The following FER variants were observed in gnomAD, a reference collection of about 807,000 sequenced individuals.
The protein encoded by FER is tyrosine-protein kinase Fer.
In FER, 63 loss-of-function variants were observed where a neutral mutation model predicts 111.0. That is an observed-to-expected ratio of 0.57 (90% CI 0.46 to 0.70). FER has a LOEUF of 0.70. FER is among the 30% of genes least tolerant of loss of function. The pLI, the probability that FER is intolerant of heterozygous loss-of-function variation, is 0.00. For synonymous variants in FER, 327 were observed against 313.9 expected (o/e 1.04, Z -0.44); for missense variants, 914 against 954.0 (o/e 0.96, Z 0.55).
chr5:109,162,533 G>A (rs1756102080), intron 17 of FER, among the ~76,000 whole-genome samples: 1 of 151,976 alleles, frequency 6.6e-6, no homozygotes, highest in Non-Finnish European at 1.5e-5. Flanking sequence ...GTCCACAAGG[G>A]TGCTGGTCTT....
rs573357631 is a variant in FER, at chr5:108,766,031, G to T, written c.-205-2062G>T. Among the ~76,000 whole-genome samples, 3 of 152,058 alleles carry T rather than the reference G, an allele frequency of 2.0e-5. No individual in the cohort carries two copies. The East Asian group carries it at 5.8e-4, about 30-fold the overall frequency. ...TGCAACCTCAAATTCCTGGGCTCAG[G>T]TGATCCTCCCACCTTAGCCTCTCAA... is the stretch of plus-strand genomic sequence containing the variant. On this transcript the variant is annotated intron_variant, in intron 1 of 19. Transcript: ENST00000281092.
Position 108,905,763 on chromosome 5 carries a change from T to C in FER, c.1236+7915T>C, listed in dbSNP as rs1035910799. Among the ~76,000 whole-genome samples, 11 of 152,310 alleles carry C rather than the reference T, an allele frequency of 7.2e-5. No individual in the cohort carries two copies. In the East Asian group the frequency reaches 1.7e-3, roughly 24 times the overall value. Reference sequence around the variant, plus strand: ...TGTTTAGCAGTACCTATATATATACTCAGTAAATGTTTATAGATGAAATGA... The same window carrying C: ...TGTTTAGCAGTACCTATATATATACCCAGTAAATGTTTATAGATGAAATGA... On this transcript the variant is annotated intron_variant, in intron 10 of 19. Transcript: ENST00000281092.
chr5:108,928,359 G>A (rs1754079941), intron 10 of FER, among the ~76,000 whole-genome samples: 1 of 152,120 alleles, frequency 6.6e-6, no homozygotes, highest in African/African-American at 2.4e-5. Flanking sequence ...TTTTACTGCT[G>A]CCAATTGGCA....
chr5:109,008,432 A>G (rs1765773970), intron 13 of FER, among the ~76,000 whole-genome samples: 1 of 152,096 alleles, frequency 6.6e-6, no homozygotes, highest in Non-Finnish European at 1.5e-5. Context: ...TCTTTTACTA[A>G]GAACCTGAAG....
At chr5:109,169,622 A>C (rs1398650437) in intron 17 of FER, among the ~76,000 whole-genome samples, 1 of 152,186 alleles carries the variant, frequency 6.6e-6, no homozygotes, top group Non-Finnish European at 1.5e-5. Flanking sequence ...TCCTATAAAT[A>C]CTGAAAACTG....
At position 108,867,716 on chromosome 5, in the gene FER, A is replaced by G. The variant is rs114908333; in HGVS notation, c.482-51A>G. On this transcript the variant is annotated intron_variant, in intron 5 of 19. Coordinates refer to ENST00000281092, the MANE Select transcript of FER (RefSeq NM_005246.4). ...TCAGTTTGTATGTAGTGAAGATACA[A>G]TTTTTTTTCTTATCTCTTTACTAAC... 4.1e-3 allele frequency: 6,302 copies of G among 1,530,704 alleles called. 41 individuals are homozygous for G. Among genetic ancestry groups the G allele is most frequent in the South Asian group, 0.018 (1,456 of 81,380 alleles). The allele number at this position is 1,530,704 out of a possible 1,614,324, so 94.8% of individuals were successfully genotyped here.
At chr5:109,124,773 G>A (rs986781160) in intron 17 of FER, among the ~76,000 whole-genome samples, 3 of 152,058 alleles carry the variant, frequency 2.0e-5, no homozygotes, top group African/African-American at 4.8e-5. Flanking sequence ...TGGGCCGGGC[G>A]CGGTGGCTCA....
intron 17 of FER, among the ~76,000 whole-genome samples, chr5:109,165,837 C>A (rs1756499895): frequency 6.6e-6 from 1 of 152,118 alleles, no homozygotes; most frequent in South Asian, 2.1e-4. Flanking sequence ...CCCTGTAATT[C>A]ACTTATTTGA....
intron 2 of FER, among the ~76,000 whole-genome samples, chr5:108,788,700 C>T (rs1755025839): frequency 6.6e-6 from 1 of 151,190 alleles, no homozygotes; most frequent in South Asian, 2.1e-4. Context: ...AACATTCAGT[C>T]TGTTGGTTTC....
chr5:108,830,128 G>A (rs1344641405), intron 3 of FER, among the ~76,000 whole-genome samples: 1 of 152,174 alleles, frequency 6.6e-6, no homozygotes, highest in African/African-American at 2.4e-5. Flanking sequence ...GGATAGATTA[G>A]CAGATAGATA....
At chr5:108,819,279 T>C (rs1423887179) in intron 3 of FER, among the ~76,000 whole-genome samples, 1 of 151,668 alleles carries the variant, frequency 6.6e-6, no homozygotes, top group African/African-American at 2.4e-5. Flanking sequence ...TGCCTCAGCC[T>C]GTAATTCCAA....
intron 17 of FER, among the ~76,000 whole-genome samples, chr5:109,146,168 A>G (rs955738261): frequency 2.8e-5 from 4 of 142,788 alleles, no homozygotes; most frequent in African/African-American, 7.7e-5. Context: ...GAATTACAGA[A>G]TTTTGCAGCA....
chr5:109,172,656 T>A (rs72798576), intron 17 of FER, among the ~76,000 whole-genome samples: 58,931 of 151,138 alleles, frequency 0.39, 11,748 homozygotes, highest in African/African-American at 0.44. Flanking sequence ...AAGAAAAAAA[T>A]TTTTTATATG....
intron 13 of FER, among the ~76,000 whole-genome samples, chr5:109,002,910 A>G (rs1409606963): frequency 2.6e-5 from 4 of 152,240 alleles, no homozygotes; most frequent in Admixed American, 2.0e-4. Context: ...CAAAACCACA[A>G]TGAGATACCA....
intron 2 of FER, among the ~76,000 whole-genome samples, chr5:108,778,210 C>G (rs370415176): frequency 6.6e-6 from 1 of 152,122 alleles, no homozygotes; most frequent in Non-Finnish European, 1.5e-5. Flanking sequence ...TGAAAGACAT[C>G]TTGGTTGCTT....
At chr5:108,819,839 A>C in intron 3 of FER, 1 of 985,344 alleles carries the variant, frequency 1.0e-6, no homozygotes, top group African/African-American at 1.7e-5. Context: ...ACTGAGTTTT[A>C]ATTTTTTTCC....
chr5:108,880,759 T>C (rs1434093731), intron 8 of FER, among the ~76,000 whole-genome samples: 1 of 152,118 alleles, frequency 6.6e-6, no homozygotes, highest in Non-Finnish European at 1.5e-5. Context: ...AAATGTTCAA[T>C]CTGACCTTTC....
At chr5:108,811,809 G>A (rs13171190) in intron 3 of FER, among the ~76,000 whole-genome samples, 2 of 152,104 alleles carry the variant, frequency 1.3e-5, no homozygotes, top group South Asian at 2.1e-4. Context: ...TCTGATGCTC[G>A]AGGGCAGGAG....
intron 13 of FER, among the ~76,000 whole-genome samples, chr5:109,025,294 C>A (rs1258181592): frequency 9.9e-5 from 15 of 151,934 alleles, no homozygotes; most frequent in East Asian, 7.7e-4. Flanking sequence ...CTTTTATTTC[C>A]TTGAGCAGTG....
Sources: gnomAD v4.1 joint callset for allele counts (sites outside exome capture counted in the v4.1 genomes callset) on GRCh38, gnomAD v4.1.1 for gene constraint, MANE v1.5 for transcripts, NCBI Gene and HGNC (gene_info 2026-07-23, HGNC 2026-07-21) for gene names.